Variants in FUZ observed in about 807,000 individuals in gnomAD.
The protein encoded by FUZ is protein fuzzy homolog.
Under a neutral mutation model 43.1 loss-of-function variants are expected in FUZ, and 31 were observed. The observed-to-expected ratio is 0.72, with a 90% CI of 0.54 to 0.97. FUZ has a LOEUF of 0.97. Ranked by LOEUF, FUZ falls within the 50% of genes least tolerant of loss-of-function variation. The pLI, the probability that FUZ is intolerant of heterozygous loss-of-function variation, is 0.00. For synonymous variants in FUZ, 274 were observed against 250.0 expected, an observed-to-expected ratio of 1.10 and a Z score of -0.91; for missense variants, 539 against 543.8, an observed-to-expected ratio of 0.99 and a Z score of 0.09.
intron 10 of FUZ, chr19:49,808,158 C>T: frequency 1.8e-6 from 1 of 570,554 alleles, no homozygotes; most frequent in African/African-American, 1.9e-5. Context: ...CGTGTAAAGG[C>T]ACTGGGAAGA....
In FUZ at chr19:49,809,076, A is replaced by G; in HGVS notation, c.786+87T>C. On this transcript the variant is annotated intron_variant, in intron 7 of 10. Coordinates refer to ENST00000313777, the MANE Select transcript of FUZ (RefSeq NM_025129.5). This position sits in a 1 kb window ranked among gnomAD's most constrained non-coding sequence, Gnocchi z 5.1. The stretch of plus-strand genomic sequence containing the variant: ...CCAGAAGAGGCGGGGCTGGGGAAAG[A>G]TGCCGCTGGCAGGGCAGGGTGGTGG... 7.7e-7 allele frequency: 1 copy of G among 1,297,614 alleles called. No homozygotes were observed. The allele number at this position is 1,297,614 out of a possible 1,614,324, so 80.4% of individuals were successfully genotyped here.
Position 49,809,826 on chromosome 19 carries a change from A to G in FUZ, c.493-251T>C. 2 of 581,318 alleles carry G rather than the reference A, an allele frequency of 3.4e-6. No individual in the cohort carries two copies. Among genetic ancestry groups the G allele is most frequent in the South Asian group, 3.9e-5 (2 of 50,672 alleles). The allele number at this position is 581,318 out of a possible 1,614,324, so 36.0% of individuals were successfully genotyped here. ...AGCCTGGGCGGGCAAACTGAAGCTA[A>G]TAATGTAACCGCAGCAGCTACCGTT... On this transcript the variant is annotated intron_variant, in intron 5 of 10. Transcript: ENST00000313777. This position sits in a 1 kb window ranked among gnomAD's most constrained non-coding sequence, Gnocchi z 5.1.
chr19:49,812,394 T>C lies in FUZ; in HGVS notation c.234-59A>G, dbSNP rs1451040410. 5 of 1,468,674 alleles carry C rather than the reference T, an allele frequency of 3.4e-6. No homozygotes were observed. The East Asian group carries it at 1.1e-4, about 33-fold the overall frequency. The allele number at this position is 1,468,674 out of a possible 1,614,324, so 91.0% of individuals were successfully genotyped here. ...CCTGGGGAATCAGGAAGGGGTATGT[T>C]GGAGTCCGCCCATTGATCCTAGAAC... is the stretch of plus-strand genomic sequence containing the variant. On this transcript the variant is annotated intron_variant, in intron 2 of 10. Coordinates refer to ENST00000313777, the MANE Select transcript of FUZ (RefSeq NM_025129.5).
chr19:49,809,875 G>T lies in FUZ; in HGVS notation c.493-300C>A, dbSNP rs2073675058. ...TTCATCCAGGCCTGTTACATGCCGA[G>T]TAGGCACCATTAGCAACGTAGAGAA... is the stretch of plus-strand genomic sequence containing the variant. On this transcript the variant is annotated intron_variant, in intron 5 of 10. Coordinates refer to ENST00000313777, the MANE Select transcript of FUZ (RefSeq NM_025129.5). The surrounding 1 kb of genome is among the most constrained non-coding windows in gnomAD (Gnocchi z 5.1). 1 of 502,226 alleles carries T rather than the reference G, an allele frequency of 2.0e-6. No individual in the cohort carries two copies. Among genetic ancestry groups the T allele is most frequent in the Non-Finnish European group, 3.6e-6 (1 of 274,700 alleles). The allele number at this position is 502,226 out of a possible 1,614,324, so 31.1% of individuals were successfully genotyped here. A position where few individuals can be genotyped will look rare whatever the true frequency, so the allele number is the denominator to read the frequency against.
In FUZ at chr19:49,808,482, G is replaced by GAAGGCTCTGCTGGGAGGAAAAGGC. The variant is rs1158596982; in HGVS notation, c.959-18_964dup (p.Pro321_Ser322insCysLeuPheLeuProAlaGluPro). The GAAGGCTCTGCTGGGAGGAAAAGGC allele has an allele frequency of 6.2e-7, 1 of 1,611,648 alleles. No individual in the cohort carries two copies. The highest frequency in any genetic ancestry group is 1.3e-5 in the African/African-American group (1 of 74,916). On this transcript the variant is annotated inframe_insertion, in exon 10 of 11. Transcript: ENST00000313777. The stretch of plus-strand genomic sequence containing the variant: ...GAGGAGGCGCCGGCGCTGTTCTGGT[G>GAAGGCTCTGCTGGGAGGAAAAGGC]AAGGCTCTGCTGGGAGGAAAAGGCG...
At chr19:49,811,325 C>A (rs2073778448) in intron 5 of FUZ, 38 bp downstream of exon 5, 1 of 1,415,548 alleles carries the variant, frequency 7.1e-7, no homozygotes, top group Non-Finnish European at 9.8e-7. Context: ...CCAGGGCCAG[C>A]AGAACAGGTG....
In FUZ at chr19:49,806,868, T is replaced by TG; in HGVS notation, c.*282dup. 6.4e-7 allele frequency: 1 copy of TG among 1,573,614 alleles called. No homozygotes were observed. The highest frequency in any genetic ancestry group is 1.4e-5 in the African/African-American group (1 of 73,814). On this transcript the variant is annotated 3_prime_UTR_variant, in exon 11 of 11. Transcript: ENST00000313777. ...TGGTGACAGAGAAGACACCAGGGTT[T>TG]GGGGGATGCCTGGGACTTTCCTCCG...
Position 49,807,160 on chromosome 19 carries a change from T to A in FUZ, c.1248A>T (p.Pro416=), listed in dbSNP as rs1187318236. The change falls in exon 11 of 11, where the codon CCA becomes CCT. Residue 416 remains proline, a synonymous_variant. Transcript: ENST00000313777. The part of the protein sequence containing the change: ...LATHTLHALT[P]LL Reference sequence around the variant, plus strand: ...ACCCACTGCTAGGTAGTCAAAGAAGTGGGGTGAGGGCATGCAGAGTGTGGG... The same window carrying A: ...ACCCACTGCTAGGTAGTCAAAGAAGAGGGGTGAGGGCATGCAGAGTGTGGG... 1 of 1,612,328 alleles carries A rather than the reference T, an allele frequency of 6.2e-7. No homozygotes were observed.
chr19:49,811,214 GAAAA>G (rs1473220842), intron 5 of FUZ, 145 bp downstream of exon 5: 1 of 682,284 alleles, frequency 1.5e-6, no homozygotes, highest in East Asian at 2.7e-5. Flanking sequence ...AAAAAAAAAA[GAAAA>G]AAGATTCTTC....
intron 10 of FUZ, 80 bp downstream of exon 10, chr19:49,808,334 C>G: frequency 6.9e-7 from 1 of 1,446,456 alleles, no homozygotes; most frequent in Non-Finnish European, 9.5e-7. Flanking sequence ...TCCTCCAACC[C>G]CACCTCCTAC....
rs1164636348 is a variant in FUZ at position 49,807,337 on chromosome 19, G to A, written c.1071C>T (p.Tyr357=). 1.2e-6 allele frequency: 2 copies of A among 1,613,404 alleles called. No individual in the cohort carries two copies. The highest frequency in any genetic ancestry group is 8.5e-7 in the Non-Finnish European group (1 of 1,179,952). Residue 357 remains tyrosine (Y), a synonymous_variant, in exon 11 of 11, where the codon TAC becomes TAT. Coordinates refer to ENST00000313777, the MANE Select transcript of FUZ (RefSeq NM_025129.5). Reference sequence around the variant, plus strand: ...AGCAAGCTCTGGGCAGCTGGGCCTGGTAGACCTCATCTTCTGTCTTCTCTG... The same window carrying A: ...AGCAAGCTCTGGGCAGCTGGGCCTGATAGACCTCATCTTCTGTCTTCTCTG... ...GPPEKTEDEV[Y]QAQLPRACYL...
rs2073658412 is a variant in FUZ, at chr19:49,809,650, G to A, written c.493-75C>T. 1.4e-6 allele frequency: 2 copies of A among 1,456,710 alleles called. No homozygotes were observed. Among genetic ancestry groups the A allele is most frequent in the Non-Finnish European group, 1.9e-6 (2 of 1,076,082 alleles). 90.2% of individuals were successfully genotyped at this position (1,456,710 alleles called of 1,614,324 possible). Reference sequence around the variant, plus strand: ...GTGGCAGCGACTTCCCAGATGGGCAGGGAATGGGGAGAAACCCACAGCCAG... The same window carrying A: ...GTGGCAGCGACTTCCCAGATGGGCAAGGAATGGGGAGAAACCCACAGCCAG... On this transcript the variant is annotated intron_variant, in intron 5 of 10. Transcript: ENST00000313777. The surrounding 1 kb of genome is among the most constrained non-coding windows in gnomAD (Gnocchi z 5.1).
rs1159582468 is a variant in FUZ at position 49,813,271 on chromosome 19, G to A, written c.-165C>T. ...CCGCCTTCTTCACCCAACTCAAACAGACCCTCAAACCCTATTCAGGCACCT... is the reference window on the plus strand; with the variant it reads ...CCGCCTTCTTCACCCAACTCAAACAAACCCTCAAACCCTATTCAGGCACCT... On this transcript the variant is annotated 5_prime_UTR_variant, in exon 1 of 11. Coordinates refer to ENST00000313777, the MANE Select transcript of FUZ (RefSeq NM_025129.5). 5.5e-6 allele frequency: 4 copies of A among 729,068 alleles called. No homozygotes were observed. The highest frequency in any genetic ancestry group is 2.7e-5 in the East Asian group (1 of 37,326). 45.2% of individuals were successfully genotyped at this position (729,068 alleles called of 1,614,324 possible). A position where few individuals can be genotyped will look rare whatever the true frequency, so the allele number is the denominator to read the frequency against.
rs1456964169 is a variant in FUZ at position 49,807,056 on chromosome 19, C to G, written c.*95G>C. The G allele has an allele frequency of 1.1e-5, 15 of 1,382,544 alleles. No individual in the cohort carries two copies. Among genetic ancestry groups the G allele is most frequent in the Non-Finnish European group, 1.4e-5 (15 of 1,036,884 alleles). 85.6% of individuals were successfully genotyped at this position (1,382,544 alleles called of 1,614,324 possible). On this transcript the variant is annotated 3_prime_UTR_variant, in exon 11 of 11. Coordinates refer to ENST00000313777, the MANE Select transcript of FUZ (RefSeq NM_025129.5). ...CCCACCCTGTTGTAGCCCCTCCTACCCCCTCCCCATCCAGGGGCTGTGTAT... is the reference window on the plus strand; with the variant it reads ...CCCACCCTGTTGTAGCCCCTCCTACGCCCTCCCCATCCAGGGGCTGTGTAT...
rs2073659535 is a variant in FUZ, at chr19:49,809,672, C to T, written c.493-97G>A. 7.6e-7 allele frequency: 1 copy of T among 1,310,952 alleles called. No individual in the cohort carries two copies. The highest frequency in any genetic ancestry group is 1.1e-6 in the Non-Finnish European group (1 of 944,976). 81.2% of individuals were successfully genotyped at this position (1,310,952 alleles called of 1,614,324 possible). A position where few individuals can be genotyped will look rare whatever the true frequency, so the allele number is the denominator to read the frequency against. On this transcript the variant is annotated intron_variant, in intron 5 of 10. Transcript: ENST00000313777. The surrounding 1 kb of genome is among the most constrained non-coding windows in gnomAD (Gnocchi z 5.1). ...GCAGGGAATGGGGAGAAACCCACAG[C>T]CAGCCCCGAGCTCGCGCAGTGGCCA...
At position 49,810,129 on chromosome 19, in the gene FUZ, C is replaced by T. The variant is rs73592263; in HGVS notation, c.493-554G>A. On this transcript the variant is annotated intron_variant, in intron 5 of 10. Transcript: ENST00000313777. ...CCAGGTGCCACAGGCCTTCAAACAC[C>T]AGGCTGAGGAGCTGGGACCTTGTCC... is the stretch of plus-strand genomic sequence containing the variant. Among the ~76,000 whole-genome samples the T allele has an allele frequency of 6.2e-3, 942 of 152,274 alleles. 8 individuals are homozygous for T. The highest frequency in any genetic ancestry group is 0.021 in the African/African-American group (867 of 41,548).
chr19:49,813,077 C>A lies in FUZ; in HGVS notation c.30G>T (p.Val10=). MGEEGTGGT[V]HLLCLAASSG... ...TGGAGGCCGCGAGGCACAGCAGATG[C>A]ACAGTGCCGCCCGTCCCCTCCTCCC... Residue 10 remains valine, a synonymous_variant, in exon 1 of 11, where the codon GTG becomes GTT. Coordinates refer to ENST00000313777, the MANE Select transcript of FUZ (RefSeq NM_025129.5). 1 of 1,551,376 alleles carries A rather than the reference C, an allele frequency of 6.4e-7. No homozygotes were observed. Among genetic ancestry groups the A allele is most frequent in the Non-Finnish European group, 8.7e-7 (1 of 1,146,964 alleles).
chr19:49,810,776 G>GT (rs2073737130), intron 5 of FUZ, among the ~76,000 whole-genome samples: 5 of 152,166 alleles, frequency 3.3e-5, no homozygotes, highest in African/African-American at 9.6e-5. Flanking sequence ...CTTGAATCCA[G>GT]GAGTTCAAGG....
At chr19:49,811,768 G>C in intron 3 of FUZ, 69 bp from the exon 4 acceptor site, 1 of 1,310,474 alleles carries the variant, frequency 7.6e-7, no homozygotes, top group Non-Finnish European at 1.1e-6. Context: ...GAAGGAAGAG[G>C]GGGCTGGGAC....
Sources: allele counts gnomAD v4.1 joint callset (sites outside exome capture counted in the v4.1 genomes callset), GRCh38; gene constraint gnomAD v4.1.1; non-coding constraint Gnocchi (gnomAD v3.1); transcripts MANE v1.5; gene names NCBI Gene and HGNC (gene_info 2026-07-23, HGNC 2026-07-21).